EYA1: variants seen among roughly 807,000 people sequenced by gnomAD.
EYA1 encodes EYA transcriptional coactivator and phosphatase 1, also known as protein phosphatase EYA1.
In EYA1, 16 loss-of-function variants were observed where a neutral mutation model predicts 82.0. The observed-to-expected ratio is 0.20, with a 90% CI of 0.13 to 0.30. EYA1 has a LOEUF of 0.30. Among genes scored for constraint, EYA1 ranks in the 10% least tolerant of loss-of-function variants. EYA1 has a pLI of 1.00. For synonymous variants in EYA1, 261 were observed against 264.4 expected, an observed-to-expected ratio of 0.99 and a Z score of 0.12; for missense variants, 633 against 730.7, an observed-to-expected ratio of 0.87 and a Z score of 1.54.
intron 2 of EYA1, among the ~76,000 whole-genome samples, chr8:71,392,119 C>T (rs866421991): frequency 6.6e-6 from 1 of 152,120 alleles, no homozygotes. Context: ...CTTTGCTTTC[C>T]CAATTCCTCT....
At chr8:71,242,348 AC>A (rs1812574688) in intron 12 of EYA1, among the ~76,000 whole-genome samples, 4 of 152,208 alleles carry the variant, frequency 2.6e-5, no homozygotes, top group Non-Finnish European at 5.9e-5. Flanking sequence ...AATATCCCTA[AC>A]ATAAAATCAA....
chr8:71,497,824 A>G (rs1811527829), intron 2 of EYA1, among the ~76,000 whole-genome samples: 1 of 152,184 alleles, frequency 6.6e-6, no homozygotes, highest in Admixed American at 6.5e-5. Context: ...AAAGTTCATC[A>G]CTGGATGAAT....
At chr8:71,508,336 C>T (rs754004271) in intron 2 of EYA1, among the ~76,000 whole-genome samples, 39 of 152,118 alleles carry the variant, frequency 2.6e-4, no homozygotes, top group Non-Finnish European at 4.9e-4. Context: ...TGCAGTGGCA[C>T]GATCTCAGCT....
intron 2 of EYA1, among the ~76,000 whole-genome samples, chr8:71,493,794 C>T (rs1420310299): frequency 6.6e-6 from 1 of 150,552 alleles, no homozygotes; most frequent in South Asian, 2.1e-4. Flanking sequence ...GAGGCCGAGG[C>T]GGGCGGATCA....
intron 7 of EYA1, among the ~76,000 whole-genome samples, chr8:71,308,203 G>T (rs1160551180): frequency 6.6e-6 from 1 of 152,092 alleles, no homozygotes; most frequent in East Asian, 1.9e-4. Context: ...GTATTAAGTG[G>T]TATTAATTTT....
intron 9 of EYA1, among the ~76,000 whole-genome samples, chr8:71,294,272 A>G (rs1207231154): frequency 2.0e-5 from 3 of 152,126 alleles, no homozygotes; most frequent in Non-Finnish European, 4.4e-5. Context: ...ATCCTGGCTA[A>G]CACAGTGAAA....
chr8:71,270,592 A>AT (rs1182424329), intron 10 of EYA1, among the ~76,000 whole-genome samples: 3 of 152,108 alleles, frequency 2.0e-5, no homozygotes, highest in Non-Finnish European at 2.9e-5. Flanking sequence ...TAAAAGTTTC[A>AT]TTTTTTCAGC....
chr8:71,313,839 T>C (rs1586314993), intron 7 of EYA1, among the ~76,000 whole-genome samples: 1 of 152,308 alleles, frequency 6.6e-6, no homozygotes, highest in East Asian at 1.9e-4. Flanking sequence ...TTTAAATTAA[T>C]CAGCAAAACA....
rs1225071506 is a variant in EYA1 at position 71,506,369 on chromosome 8, T to C, written c.33+29375A>G. Among the ~76,000 whole-genome samples, 7 of 152,238 alleles carry C rather than the reference T, an allele frequency of 4.6e-5. No homozygotes were observed. The East Asian group carries it at 1.2e-3, about 25-fold the overall frequency. ...CTCAAGGCTCCATTTAACTTGCAAATTGAGCTAAACAGGGTGACCCTGGTT... is the reference window on the plus strand; with the variant it reads ...CTCAAGGCTCCATTTAACTTGCAAACTGAGCTAAACAGGGTGACCCTGGTT... On this transcript the variant is annotated intron_variant, in intron 2 of 18. Coordinates refer to the EYA1 transcript ENST00000643681.
At chr8:71,453,840 T>G (rs904664374) in intron 2 of EYA1, among the ~76,000 whole-genome samples, 2 of 152,254 alleles carry the variant, frequency 1.3e-5, no homozygotes, top group South Asian at 2.1e-4. Flanking sequence ...AGACCATCGA[T>G]GCTAGGAAGA....
chr8:71,406,267 A>G (rs1312415125), intron 2 of EYA1, among the ~76,000 whole-genome samples: 1 of 152,240 alleles, frequency 6.6e-6, no homozygotes, highest in African/African-American at 2.4e-5. Flanking sequence ...CAACTTTTAT[A>G]AAGCAATTTA....
chr8:71,290,078 C>A (rs1341881108), intron 9 of EYA1, among the ~76,000 whole-genome samples: 1 of 152,112 alleles, frequency 6.6e-6, no homozygotes, highest in Non-Finnish European at 1.5e-5. Flanking sequence ...ATAATTTTGT[C>A]CCATGTTCAT....
intron 7 of EYA1, among the ~76,000 whole-genome samples, chr8:71,307,712 C>T (rs182950919): frequency 5.3e-5 from 8 of 152,242 alleles, no homozygotes; most frequent in Non-Finnish European, 1.2e-4. Context: ...CCTATTTGAG[C>T]GATGAATACC....
intron 17 of EYA1, among the ~76,000 whole-genome samples, chr8:71,207,573 TAGG>T: frequency 6.6e-6 from 1 of 152,292 alleles, no homozygotes; most frequent in South Asian, 2.1e-4. Flanking sequence ...AATGGAAAGC[TAGG>T]AGGACTCATT....
chr8:71,506,468 T>C lies in EYA1; in HGVS notation c.33+29276A>G, dbSNP rs539364834. Among the ~76,000 whole-genome samples, 26 of 152,358 alleles carry C rather than the reference T, an allele frequency of 1.7e-4. No individual in the cohort carries two copies. The South Asian group carries it at 5.2e-3, about 30-fold the overall frequency. ...GATGCATGATGTGTATCTTTAACCA[T>C]GACTGTAATAGGGCAAATACTTTGT... On this transcript the variant is annotated intron_variant, in intron 2 of 18. Transcript: ENST00000643681.
intron 12 of EYA1, among the ~76,000 whole-genome samples, chr8:71,221,928 A>AG (rs1809970639): frequency 6.6e-6 from 1 of 152,158 alleles, no homozygotes; most frequent in South Asian, 2.1e-4. Flanking sequence ...CCCAAGGGTA[A>AG]GGGGGGCAAT....
intron 11 of EYA1, among the ~76,000 whole-genome samples, chr8:71,267,699 C>T (rs1489782693): frequency 1.3e-5 from 2 of 152,096 alleles, no homozygotes; most frequent in African/African-American, 2.4e-5. Flanking sequence ...CAGGCACCTG[C>T]CACCACGCCT....
chr8:71,416,920 G>T (rs1471146499), intron 2 of EYA1, among the ~76,000 whole-genome samples: 2 of 152,134 alleles, frequency 1.3e-5, no homozygotes, highest in African/African-American at 4.8e-5. Flanking sequence ...GTTGCCAAAG[G>T]AGATTAACAT....
rs1827406480 is a variant in EYA1, at chr8:71,361,813, G to A, written c.-221C>T. The A allele has an allele frequency of 1.6e-5, 16 of 985,386 alleles. No homozygotes were observed. The highest frequency in any genetic ancestry group is 1.9e-5 in the Non-Finnish European group (16 of 829,970). 61.0% of individuals were successfully genotyped at this position (985,386 alleles called of 1,614,324 possible). ...TCTGGGAGTGGAGCGCCTCTGCAGGGGAAAGCTCGGCGCAGGGGGCAGGCG... is the reference window on the plus strand; with the variant it reads ...TCTGGGAGTGGAGCGCCTCTGCAGGAGAAAGCTCGGCGCAGGGGGCAGGCG... On this transcript the variant is annotated 5_prime_UTR_variant, in exon 1 of 18. Coordinates refer to ENST00000340726, the MANE Select transcript of EYA1 (RefSeq NM_000503.6).
Sources: gnomAD v4.1 joint callset for allele counts (sites outside exome capture counted in the v4.1 genomes callset) on GRCh38, gnomAD v4.1.1 for gene constraint, MANE v1.5 for transcripts, NCBI Gene and HGNC (gene_info 2026-07-23, HGNC 2026-07-21) for gene names.